The following LRP2 variants were observed in gnomAD, a reference collection of about 807,000 sequenced individuals.
The protein encoded by LRP2 is low-density lipoprotein receptor-related protein 2.
A neutral mutation model predicts 531.0 loss-of-function variants in LRP2; 172 were observed. The ratio of observed to expected loss-of-function variants is 0.32; its 90% CI spans 0.29 to 0.37. The LOEUF is 0.37. LRP2 is among the 10% of genes least tolerant of loss of function. LRP2 has a pLI of 1.00. For missense variants in LRP2, 5,167 were observed against 5,868.3 expected, an observed-to-expected ratio of 0.88 and a Z score of 3.90; for synonymous variants, 1,992 against 2,027.6, an observed-to-expected ratio of 0.98 and a Z score of 0.47.
rs144973875 is a variant in LRP2 at position 169,182,297 on chromosome 2, G to A, written c.9868C>T (p.Arg3290Cys). Reference protein sequence around the residue: ...VSRKLYWLDARLDGLFVSDLN... With the variant: ...VSRKLYWLDACLDGLFVSDLN... ...TCAGAGACAAAGAGGCCATCCAGGC[G>A]GGCATCCAACCAGTAGAGCTTTCTA... Residue 3290 changes from arginine to cysteine, a missense_variant, in exon 51 of 79, where the codon CGC becomes TGC. Around this residue, in one of 6 missense-constraint regions of LRP2, gnomAD observed 1,129 missense variants for 1,362.7 expected, o/e 0.83. Transcript: ENST00000649046. The A allele has an allele frequency of 1.5e-5, 24 of 1,613,724 alleles. No homozygotes were observed. The highest frequency in any genetic ancestry group is 4.4e-5 in the South Asian group (4 of 91,070).
At position 169,243,395 on chromosome 2, in the gene LRP2, G is replaced by T; in HGVS notation, c.3550+8C>A. On this transcript the variant is annotated splice_region_variant and intron_variant, in intron 23 of 78. Transcript: ENST00000649046. ...CATTGTGAATAAAAAAGAAGGCAATGCACTTACCACAACCAACCTCATCAG... is the reference window on the plus strand; with the variant it reads ...CATTGTGAATAAAAAAGAAGGCAATTCACTTACCACAACCAACCTCATCAG... The T allele has an allele frequency of 6.2e-7, 1 of 1,613,870 alleles. No homozygotes were observed. Among genetic ancestry groups the T allele is most frequent in the Non-Finnish European group, 8.5e-7 (1 of 1,179,862 alleles).
At position 169,230,811 on chromosome 2, in the gene LRP2, C is replaced by T. The variant is rs553650713; in HGVS notation, c.5227+903G>A. 5.9e-5 allele frequency among the ~76,000 whole-genome samples: 9 copies of T among 152,324 alleles called. No homozygotes were observed. The East Asian group carries it at 1.7e-3, about 29-fold the overall frequency. ...TAAGTACTTGGTATAATCCTCCACACACTCTTCAATCGACCCAATAAAATA... is the reference window on the plus strand; with the variant it reads ...TAAGTACTTGGTATAATCCTCCACATACTCTTCAATCGACCCAATAAAATA... On this transcript the variant is annotated intron_variant, in intron 31 of 78. Coordinates refer to ENST00000649046, the MANE Select transcript of LRP2 (RefSeq NM_004525.3).
chr2:169,142,369 G>A (rs1182736711), intron 71 of LRP2, among the ~76,000 whole-genome samples: 1 of 152,208 alleles, frequency 6.6e-6, no homozygotes, highest in East Asian at 1.9e-4. Context: ...CCAGCTTGAG[G>A]TAGAGGTCTT....
At chr2:169,275,462 C>T (rs1683528161) in intron 13 of LRP2, 2 of 529,018 alleles carry the variant, frequency 3.8e-6, no homozygotes, top group Admixed American at 6.3e-5. Flanking sequence ...ACTTACATTC[C>T]AGTCCCAGTC....
At chr2:169,189,860 AAAAG>A (rs2105308145) in intron 48 of LRP2, among the ~76,000 whole-genome samples, 2 of 152,284 alleles carry the variant, frequency 1.3e-5, no homozygotes, top group Admixed American at 1.3e-4. Flanking sequence ...CTCAAGGAAA[AAAAG>A]AAAGAGAGAG....
intron 52 of LRP2, among the ~76,000 whole-genome samples, chr2:169,180,559 A>AT (rs1416858299): frequency 1.3e-5 from 2 of 152,194 alleles, no homozygotes; most frequent in African/African-American, 4.8e-5. Context: ...TGTGCCAGGT[A>AT]TTCCTTCTTT....
At chr2:169,284,256 C>CTAT (rs1553508684) in intron 9 of LRP2, among the ~76,000 whole-genome samples, 1 of 96,648 alleles carries the variant, frequency 1.0e-5, no homozygotes, top group Non-Finnish European at 1.9e-5. Context: ...TCTTTTTTTT[C>CTAT]TTTTTTTTTT....
intron 1 of LRP2, among the ~76,000 whole-genome samples, chr2:169,341,578 G>A (rs557911131): frequency 6.6e-6 from 1 of 152,232 alleles, no homozygotes; most frequent in Non-Finnish European, 1.5e-5. Context: ...GTTTCCAGGA[G>A]GTATATTCTG....
At chr2:169,139,765 G>A (rs1159754980) in intron 72 of LRP2, 155 bp from the exon 73 acceptor site, 1 of 729,466 alleles carries the variant, frequency 1.4e-6, no homozygotes, top group Non-Finnish European at 2.5e-6. Flanking sequence ...ATTCTGCCAA[G>A]AGAAGACAAG....
chr2:169,311,049 C>T (rs536604795), intron 3 of LRP2, among the ~76,000 whole-genome samples: 1 of 152,066 alleles, frequency 6.6e-6, no homozygotes, highest in East Asian at 1.9e-4. Flanking sequence ...GTGGTGATAT[C>T]CCCTTTATCA....
chr2:169,238,936 C>T (rs978526746), intron 26 of LRP2, among the ~76,000 whole-genome samples: 11 of 152,170 alleles, frequency 7.2e-5, no homozygotes, highest in African/African-American at 2.7e-4. Flanking sequence ...CCTCCACTTT[C>T]TCTTTCCCCT....
chr2:169,138,881 G>C (rs1685616609), intron 74 of LRP2, among the ~76,000 whole-genome samples, 175 bp from the exon 75 acceptor site: 1 of 152,128 alleles, frequency 6.6e-6, no homozygotes, highest in Non-Finnish European at 1.5e-5. Context: ...AGTTCCCTTA[G>C]CTACCTGGAA....
chr2:169,220,713 T>C, intron 33 of LRP2, 150 bp from the exon 34 acceptor site: 1 of 661,932 alleles, frequency 1.5e-6, no homozygotes, highest in African/African-American at 1.8e-5. Context: ...TAATCTATAT[T>C]GCACTTCAGG....
rs1690018593 is a variant in LRP2, at chr2:169,246,699, A to G, written c.3190+6T>C. The G allele has an allele frequency of 6.2e-7, 1 of 1,614,064 alleles. No homozygotes were observed. The highest frequency in any genetic ancestry group is 8.5e-7 in the Non-Finnish European group (1 of 1,180,016). On this transcript the variant is annotated splice_donor_region_variant and intron_variant, in intron 21 of 78. Transcript: ENST00000649046. ...CAGGAAATATCGCCAGTGCATAGCT[A>G]CTTACTAAGTGTGCCACATAGTTGC... is the stretch of plus-strand genomic sequence containing the variant.
At chr2:169,258,443 T>C (rs530883753) in intron 17 of LRP2, among the ~76,000 whole-genome samples, 1 of 152,244 alleles carries the variant, frequency 6.6e-6, no homozygotes, top group East Asian at 1.9e-4. Context: ...TCCACTCATA[T>C]ACAACACATA....
chr2:169,299,143 GAAAGAAAGAAAGAAAAAAAGAAAGAAA>G, intron 4 of LRP2, among the ~76,000 whole-genome samples: 1 of 50,036 alleles, frequency 2.0e-5, no homozygotes, highest in East Asian at 5.3e-4. Flanking sequence ...AAGAAAGAAA[GAAAGAAAGAAAGAAAAAAAGAAAGAAA>G]GAAAAAGAAA....
At chr2:169,153,968 G>A (rs964031329) in intron 66 of LRP2, among the ~76,000 whole-genome samples, 1 of 152,176 alleles carries the variant, frequency 6.6e-6, no homozygotes, top group African/African-American at 2.4e-5. Flanking sequence ...AAAAGCAGAT[G>A]TCTAGAGGAT....
intron 37 of LRP2, among the ~76,000 whole-genome samples, chr2:169,211,700 G>A (rs1377047995): frequency 2.6e-5 from 4 of 152,138 alleles, no homozygotes; most frequent in Non-Finnish European, 5.9e-5. Flanking sequence ...GAGCTTATTA[G>A]GAGTGCAGAT....
chr2:169,266,787 A>T (rs1055180877), intron 16 of LRP2, among the ~76,000 whole-genome samples: 3 of 151,952 alleles, frequency 2.0e-5, no homozygotes, highest in African/African-American at 7.2e-5. Flanking sequence ...TATGAAAAAC[A>T]GTGTCTAGTC....
Sources: gnomAD v4.1 joint callset for allele counts (sites outside exome capture counted in the v4.1 genomes callset) on GRCh38, gnomAD v4.1.1 for gene constraint, gnomAD v4.1.1 regional missense constraint, MANE v1.5 for transcripts, NCBI Gene and HGNC (gene_info 2026-07-23, HGNC 2026-07-21) for gene names.